SLC6A2: variants seen among roughly 807,000 people sequenced by gnomAD.
SLC6A2 encodes sodium-dependent noradrenaline transporter.
Under a neutral mutation model 71.7 loss-of-function variants are expected in SLC6A2, and 26 were observed. That is an observed-to-expected ratio of 0.36 (90% confidence interval 0.27 to 0.50). The LOEUF (loss-of-function observed/expected upper bound fraction) is 0.50. SLC6A2 is among the 20% of genes least tolerant of loss of function. SLC6A2 has a pLI of 0.96. For synonymous variants in SLC6A2, 363 were observed against 337.9 expected (o/e 1.07, Z -0.82); for missense variants, 581 against 803.9 (o/e 0.72, Z 3.35).
intron 2 of SLC6A2, among the ~76,000 whole-genome samples, chr16:55,664,969 C>A (rs1964708753): frequency 6.6e-6 from 1 of 152,178 alleles, no homozygotes; most frequent in African/African-American, 2.4e-5. Flanking sequence ...CCTTCTGGGT[C>A]TACATGAACA....
At position 55,656,327 on chromosome 16, in the gene SLC6A2, G is replaced by T; in HGVS notation, c.-52+158G>T. ...GTGTCGCGGACCTGAGCTGGGGAGG[G>T]GGTCGGCACGCTGCCCTCAGCCTCG... On this transcript the variant is annotated intron_variant, in intron 1 of 14. Coordinates refer to ENST00000568943, the MANE Select transcript of SLC6A2 (RefSeq NM_001172501.3). The surrounding 1 kb of genome is among the most constrained non-coding windows in gnomAD (Gnocchi z 4.5). The T allele has an allele frequency of 2.7e-6, 1 of 376,396 alleles. No individual in the cohort carries two copies. The highest frequency in any genetic ancestry group is 2.4e-5 in the South Asian group (1 of 41,480). The allele number at this position is 376,396 out of a possible 1,614,324, so 23.3% of individuals were successfully genotyped here. A position where few individuals can be genotyped will look rare whatever the true frequency, so the allele number is the denominator to read the frequency against.
At chr16:55,667,537 C>A (rs1193852322) in intron 2 of SLC6A2, among the ~76,000 whole-genome samples, 3 of 152,218 alleles carry the variant, frequency 2.0e-5, no homozygotes, top group Non-Finnish European at 4.4e-5. Flanking sequence ...ACACCAGCAC[C>A]ACCATTACTG....
intron 5 of SLC6A2, 44 bp downstream of exon 5, chr16:55,685,325 C>G: frequency 6.3e-6 from 10 of 1,590,972 alleles, no homozygotes; most frequent in Non-Finnish European, 7.8e-6. Context: ...GGTGATCAAC[C>G]TTGGGGGGTG....
chr16:55,705,488 A>G lies in SLC6A2; in HGVS notation c.*3142A>G, dbSNP rs1966081966. On this transcript the variant is annotated 3_prime_UTR_variant, in exon 15 of 15. Transcript: ENST00000568943. ...AGAGAGAAAAACAGAGAAGGTGTGTAGTGTGGCGGAAAAAGCACAGCATAT... is the reference window on the plus strand; with the variant it reads ...AGAGAGAAAAACAGAGAAGGTGTGTGGTGTGGCGGAAAAAGCACAGCATAT... The G allele has an allele frequency of 2.0e-6, 1 of 505,316 alleles. No homozygotes were observed. Among genetic ancestry groups the G allele is most frequent in the African/African-American group, 1.9e-5 (1 of 52,508 alleles). The allele number at this position is 505,316 out of a possible 1,614,324, so 31.3% of individuals were successfully genotyped here.
At chr16:55,686,983 G>C (rs1409507435) in intron 5 of SLC6A2, among the ~76,000 whole-genome samples, 2 of 152,180 alleles carry the variant, frequency 1.3e-5, no homozygotes, top group African/African-American at 4.8e-5. Context: ...GACCTACTGT[G>C]TACCAGGCTT....
intron 3 of SLC6A2, among the ~76,000 whole-genome samples, chr16:55,671,393 A>C (rs1309476220): frequency 6.6e-6 from 1 of 152,094 alleles, no homozygotes; most frequent in African/African-American, 2.4e-5. Context: ...GTGGAAAGAG[A>C]GAGCTCTCGG....
chr16:55,692,813 T>C (rs1965677031), intron 6 of SLC6A2, among the ~76,000 whole-genome samples: 1 of 152,166 alleles, frequency 6.6e-6, no homozygotes, highest in Non-Finnish European at 1.5e-5. Context: ...CATCCCAATA[T>C]ACATCTCCAT....
chr16:55,664,229 A>G (rs1410355921), intron 2 of SLC6A2, among the ~76,000 whole-genome samples: 1 of 152,058 alleles, frequency 6.6e-6, no homozygotes, highest in Non-Finnish European at 1.5e-5. Context: ...CGGTGCTTCC[A>G]TTCCCTAAAT....
chr16:55,674,431 C>T (rs1272402176), intron 4 of SLC6A2, among the ~76,000 whole-genome samples: 1 of 146,276 alleles, frequency 6.8e-6, no homozygotes, highest in Non-Finnish European at 1.5e-5. Context: ...TTTTCTTTTT[C>T]TTTTTTTTTT....
chr16:55,672,186 G>A lies in SLC6A2; in HGVS notation c.644+11G>A, dbSNP rs1964942727. The A allele has an allele frequency of 6.2e-7, 1 of 1,614,056 alleles. No individual in the cohort carries two copies. Among genetic ancestry groups the A allele is most frequent in the Non-Finnish European group, 8.5e-7 (1 of 1,180,032 alleles). ...AGCCGAGTTTTATGAGTAAGTCACA[G>A]ACCCCTTGTGCTGGGCCTGTTGAGG... is the stretch of plus-strand genomic sequence containing the variant. On this transcript the variant is annotated intron_variant, in intron 4 of 14. Coordinates refer to ENST00000568943, the MANE Select transcript of SLC6A2 (RefSeq NM_001172501.3).
rs11407577 is a variant in SLC6A2, at chr16:55,657,116, GA to G, written c.274+157del. On this transcript the variant is annotated intron_variant, in intron 2 of 14. Transcript: ENST00000568943. ...AGAAAGAACTGGACAGGGCTAACGG[GA>G]AAAAAAAAGATTGGAGTCCTCTGGA... 2.4e-3 allele frequency: 1,673 copies of G among 709,238 alleles called. 40 individuals are homozygous for G. The East Asian group carries it at 0.041, about 18-fold the overall frequency. 43.9% of individuals were successfully genotyped at this position (709,238 alleles called of 1,614,324 possible). A position where few individuals can be genotyped will look rare whatever the true frequency, so the allele number is the denominator to read the frequency against.
intron 3 of SLC6A2, 55 bp from the exon 4 acceptor site, chr16:55,671,883 G>A: frequency 6.2e-7 from 1 of 1,612,250 alleles, no homozygotes; most frequent in Non-Finnish European, 8.5e-7. Flanking sequence ...CCAAGGAGAG[G>A]TGGCTGTGGG....
intron 2 of SLC6A2, among the ~76,000 whole-genome samples, chr16:55,658,469 C>T (rs746749691): frequency 1.4e-4 from 21 of 152,028 alleles, no homozygotes; most frequent in Non-Finnish European, 1.8e-4. Flanking sequence ...GCCAAGATCA[C>T]GCCACTGCAC....
chr16:55,692,210 C>T (rs1232598940), intron 6 of SLC6A2, among the ~76,000 whole-genome samples, 158 bp downstream of exon 6: 3 of 152,166 alleles, frequency 2.0e-5, no homozygotes, highest in African/African-American at 7.2e-5. Flanking sequence ...CCCATCTGAC[C>T]AATGCGGATT....
intron 3 of SLC6A2, among the ~76,000 whole-genome samples, chr16:55,670,515 T>C (rs142457894): frequency 6.6e-6 from 1 of 152,332 alleles, no homozygotes; most frequent in East Asian, 1.9e-4. Flanking sequence ...GCTTCAGGTA[T>C]AGATAGATCC....
Position 55,683,609 on chromosome 16 carries a change from G to A in SLC6A2, c.645-1534G>A, listed in dbSNP as rs905082158. ...GCCTGGGCAACAGTAGTGAAACTCC[G>A]TCTCAAACAAACAAACAAACAAACA... On this transcript the variant is annotated intron_variant, in intron 4 of 14. Coordinates refer to ENST00000568943, the MANE Select transcript of SLC6A2 (RefSeq NM_001172501.3). 1.3e-4 allele frequency among the ~76,000 whole-genome samples: 17 copies of A among 133,138 alleles called. 1 individual carries two copies. Among genetic ancestry groups the A allele is most frequent in the Admixed American group, 6.3e-4 (8 of 12,682 alleles). 87.3% of individuals were successfully genotyped at this position (133,138 alleles called of 152,430 possible).
At chr16:55,660,468 C>A (rs756005675) in intron 2 of SLC6A2, among the ~76,000 whole-genome samples, 1 of 152,222 alleles carries the variant, frequency 6.6e-6, no homozygotes, top group South Asian at 2.1e-4. Context: ...TCCCTCTGGG[C>A]TTTATCTCTG....
intron 2 of SLC6A2, among the ~76,000 whole-genome samples, chr16:55,667,333 T>C (rs1388917563): frequency 1.3e-5 from 2 of 152,234 alleles, no homozygotes; most frequent in African/African-American, 2.4e-5. Context: ...TACTTGCTAG[T>C]TGGACAAGCA....
chr16:55,683,320 T>TA (rs1418445879), intron 4 of SLC6A2, among the ~76,000 whole-genome samples: 1 of 151,744 alleles, frequency 6.6e-6, no homozygotes, highest in Admixed American at 6.6e-5. Flanking sequence ...TTCTTACTTA[T>TA]AAAAAACCAG....
Sources: allele counts gnomAD v4.1 joint callset (sites outside exome capture counted in the v4.1 genomes callset), GRCh38; gene constraint gnomAD v4.1.1; non-coding constraint Gnocchi (gnomAD v3.1); transcripts MANE v1.5; gene names NCBI Gene and HGNC (gene_info 2026-07-23, HGNC 2026-07-21).